Variants in RORA observed in about 807,000 individuals in gnomAD.
RORA encodes the protein RAR related orphan receptor A, also known as nuclear receptor ROR-alpha.
Under a neutral mutation model 69.5 loss-of-function variants are expected in RORA, and 7 were observed. That is an observed-to-expected ratio of 0.10 (90% CI 0.06 to 0.19). RORA has a LOEUF of 0.19. Among genes scored for constraint, RORA ranks in the 10% least tolerant of loss-of-function variants. RORA has a pLI of 1.00. For synonymous variants in RORA, 261 were observed against 240.8 expected, an observed-to-expected ratio of 1.08 and a Z score of -0.78; for missense variants, 457 against 663.0, an observed-to-expected ratio of 0.69 and a Z score of 3.41.
At chr15:60,768,896 T>C (rs115228547) in intron 1 of RORA, among the ~76,000 whole-genome samples, 245 of 152,334 alleles carry the variant, frequency 1.6e-3, no homozygotes, top group African/African-American at 5.7e-3. Flanking sequence ...GTAGTACATT[T>C]AGGGGAGTTT....
Position 60,528,876 on chromosome 15 carries a change from A to G in RORA, c.282+2890T>C, listed in dbSNP as rs191538940. The G allele has an allele frequency of 1.3e-3, 198 of 152,354 alleles. 1 individual carries two copies. Among genetic ancestry groups the G allele is most frequent in the African/African-American group, 4.3e-3 (180 of 41,562 alleles). The allele number at this position is 152,354 out of a possible 1,614,324, so 9.4% of individuals were successfully genotyped here. A position where few individuals can be genotyped will look rare whatever the true frequency, so the allele number is the denominator to read the frequency against. On this transcript the variant is annotated intron_variant, in intron 3 of 10. Coordinates refer to ENST00000335670, the MANE Select transcript of RORA (RefSeq NM_134261.3). ...GTGGTATAGGTGCTCAAGCTGGTAA[A>G]TAGCAGAGCTGGGATTTCAACTCGG...
chr15:61,110,472 T>TCA, intron 1 of RORA, among the ~76,000 whole-genome samples: 1 of 152,088 alleles, frequency 6.6e-6, no homozygotes, highest in Admixed American at 6.5e-5. Context: ...ATGTTACTGG[T>TCA]TTGTGTATTT....
chr15:60,747,429 G>T (rs560231973), intron 1 of RORA, among the ~76,000 whole-genome samples: 1 of 152,148 alleles, frequency 6.6e-6, no homozygotes, highest in African/African-American at 2.4e-5. Flanking sequence ...GTAGAGCAAA[G>T]ATATCGAAAC....
intron 1 of RORA, chr15:60,764,917 G>C (rs1311707552): frequency 1.3e-5 from 2 of 151,420 alleles, no homozygotes; most frequent in African/African-American, 4.9e-5. Context: ...TCATTTAGCT[G>C]GAGATGGCTT....
At chr15:60,792,144 G>C (rs1319727960) in intron 1 of RORA, among the ~76,000 whole-genome samples, 2 of 152,030 alleles carry the variant, frequency 1.3e-5, no homozygotes, top group African/African-American at 2.4e-5. Flanking sequence ...TTGAAAAGTA[G>C]AATGAATATA....
intron 1 of RORA, among the ~76,000 whole-genome samples, chr15:60,796,572 A>G (rs1445906288): frequency 6.6e-6 from 1 of 152,210 alleles, no homozygotes; most frequent in Non-Finnish European, 1.5e-5. Context: ...TTATGTGTAC[A>G]TGCTGGTTGG....
rs542953820 is a variant in RORA at position 60,645,994 on chromosome 15, T to C, written c.196+32663A>G. On this transcript the variant is annotated intron_variant, in intron 2 of 10. Transcript: ENST00000335670. ...CATATGTGAGCATGAAAACACAACT[T>C]CGGGGCCTCGCCCGTATGCTCTGAA... Among the ~76,000 whole-genome samples, 5 of 152,222 alleles carry C rather than the reference T, an allele frequency of 3.3e-5. No homozygotes were observed. In the South Asian group the frequency reaches 1.0e-3, roughly 32 times the overall value.
intron 1 of RORA, among the ~76,000 whole-genome samples, chr15:61,072,351 T>A (rs2140610679): frequency 6.6e-6 from 1 of 152,334 alleles, no homozygotes; most frequent in South Asian, 2.1e-4. Context: ...TGAGTTTATA[T>A]TTTTATGTAA....
At chr15:60,871,489 C>T (rs972690170) in intron 1 of RORA, among the ~76,000 whole-genome samples, 1 of 152,206 alleles carries the variant, frequency 6.6e-6, no homozygotes, top group Non-Finnish European at 1.5e-5. Context: ...GCCAGCCAGA[C>T]TACCTGTAAT....
At chr15:60,639,956 C>T (rs73424090) in intron 2 of RORA, among the ~76,000 whole-genome samples, 9,923 of 152,162 alleles carry the variant, frequency 0.065, 792 homozygotes, top group African/African-American at 0.19. Context: ...AGAGTTTCTC[C>T]CCTATCATTG....
At chr15:61,083,174 A>G (rs1356863796) in intron 1 of RORA, among the ~76,000 whole-genome samples, 1 of 152,202 alleles carries the variant, frequency 6.6e-6, no homozygotes, top group Non-Finnish European at 1.5e-5. Flanking sequence ...GTGCCTCCAC[A>G]GTAGGCAAGC....
At chr15:60,643,655 C>T (rs1834336) in intron 2 of RORA, among the ~76,000 whole-genome samples, 57,560 of 151,932 alleles carry the variant, frequency 0.38, 11,183 homozygotes, top group East Asian at 0.6. Context: ...ACCTCCTTGG[C>T]GACACCCCCT....
chr15:61,110,694 G>A (rs1595997362), intron 1 of RORA, among the ~76,000 whole-genome samples: 1 of 152,122 alleles, frequency 6.6e-6, no homozygotes, highest in Non-Finnish European at 1.5e-5. Context: ...TGATGATCCT[G>A]ATGGTCATAG....
intron 2 of RORA, among the ~76,000 whole-genome samples, chr15:60,606,996 A>G (rs1227194530): frequency 3.3e-5 from 5 of 152,224 alleles, no homozygotes; most frequent in African/African-American, 1.2e-4. Context: ...CTCTTATGTA[A>G]GACATAATTC....
In RORA at chr15:60,905,635, T is replaced by A. The variant is rs1224268028; in HGVS notation, c.167-226949A>T. On this transcript the variant is annotated intron_variant, in intron 1 of 10. Transcript: ENST00000335670. This position sits in a 1 kb window ranked among gnomAD's most constrained non-coding sequence, Gnocchi z 4.8. Reference sequence around the variant, plus strand: ...ATAGCTCTAAAAGTGAAGGAAGTGATAAAGCCCTCAAGAGCGTCTGTATCT... The same window carrying A: ...ATAGCTCTAAAAGTGAAGGAAGTGAAAAAGCCCTCAAGAGCGTCTGTATCT... Among the ~76,000 whole-genome samples the A allele has an allele frequency of 6.6e-6, 1 of 152,194 alleles. No individual in the cohort carries two copies. Among genetic ancestry groups the A allele is most frequent in the Non-Finnish European group, 1.5e-5 (1 of 68,040 alleles).
rs776515847 is a variant in RORA, at chr15:60,808,414, G to T, written c.167-129728C>A. Among the ~76,000 whole-genome samples the T allele has an allele frequency of 3.3e-5, 5 of 152,162 alleles. No individual in the cohort carries two copies. The East Asian group carries it at 9.7e-4, about 29-fold the overall frequency. Reference sequence around the variant, plus strand: ...CATAATAAAAAAAATTTAAAAAATAGATGTTAGTGCTGATGTGGTGAAAAG... The same window carrying T: ...CATAATAAAAAAAATTTAAAAAATATATGTTAGTGCTGATGTGGTGAAAAG... On this transcript the variant is annotated intron_variant, in intron 1 of 10. Transcript: ENST00000335670.
intron 1 of RORA, among the ~76,000 whole-genome samples, chr15:60,871,644 A>G (rs1299828174): frequency 6.6e-6 from 1 of 152,222 alleles, no homozygotes; most frequent in Non-Finnish European, 1.5e-5. Flanking sequence ...TTAAGAAAGG[A>G]AGACTTTTCC....
At chr15:60,750,636 T>G (rs1181743638) in intron 1 of RORA, among the ~76,000 whole-genome samples, 1 of 152,044 alleles carries the variant, frequency 6.6e-6, no homozygotes, top group Non-Finnish European at 1.5e-5. Context: ...GACATCAAAC[T>G]GAGATTAGAT....
At position 60,988,280 on chromosome 15, in the gene RORA, T is replaced by A. The variant is rs541013547; in HGVS notation, c.166+240773A>T. Among the ~76,000 whole-genome samples the A allele has an allele frequency of 1.3e-4, 20 of 152,178 alleles. 4 individuals carry two copies. The highest frequency in any genetic ancestry group is 4.8e-4 in the African/African-American group (20 of 41,514). On this transcript the variant is annotated intron_variant, in intron 1 of 10. Transcript: ENST00000335670. ...CAGATTACCTAATCCTAGAAACAGG[T>A]AGAAATATTAATTCCCTTTGGGGTA...
Sources: allele counts gnomAD v4.1 joint callset (sites outside exome capture counted in the v4.1 genomes callset), GRCh38; gene constraint gnomAD v4.1.1; non-coding constraint Gnocchi (gnomAD v3.1); transcripts MANE v1.5; gene names NCBI Gene and HGNC (gene_info 2026-07-23, HGNC 2026-07-21).